Variants in TMEM132C observed in about 807,000 individuals in gnomAD.
TMEM132C encodes protein phosphatase 1, regulatory subunit 152.
A neutral mutation model predicts 61.4 loss-of-function variants in TMEM132C; 29 were observed. That is an observed-to-expected ratio of 0.47 (90% CI 0.35 to 0.64). TMEM132C has a LOEUF of 0.64. Among genes scored for constraint, TMEM132C ranks in the 30% least tolerant of loss-of-function variants. TMEM132C has a pLI of 0.00. For synonymous variants in TMEM132C, 656 were observed against 633.1 expected (o/e 1.04, Z -0.54); for missense variants, 1,408 against 1,476.9 (o/e 0.95, Z 0.76).
At chr12:128,520,239 A>ACC in intron 2 of TMEM132C, among the ~76,000 whole-genome samples, 1 of 152,196 alleles carries the variant, frequency 6.6e-6, no homozygotes, top group East Asian at 1.9e-4. Context: ...TCCACGTATC[A>ACC]CCCCTGCATG....
intron 2 of TMEM132C, among the ~76,000 whole-genome samples, chr12:128,501,018 G>C (rs1872157982): frequency 6.6e-6 from 1 of 152,138 alleles, no homozygotes; most frequent in Admixed American, 6.5e-5. Context: ...AAATAATAAA[G>C]CATTGATTCC....
In TMEM132C at chr12:128,616,173, G is replaced by A. The variant is rs1593121435; in HGVS notation, c.1143G>A (p.Glu381=). 6.4e-7 allele frequency: 1 copy of A among 1,551,718 alleles called. No homozygotes were observed. The highest frequency in any genetic ancestry group is 8.7e-7 in the Non-Finnish European group (1 of 1,146,978). The stretch of plus-strand genomic sequence containing the variant: ...CCAGGAGCAGCAGTTTATTCAATGA[G>A]GTTGTGCAGATGAACTTTGAAATAG... ...PRNRSSSLFN[E]VVQMNFEIAS... The change falls in exon 4 of 9, where the codon GAG becomes GAA. Residue 381 remains glutamate, a synonymous_variant. Coordinates refer to ENST00000435159, the MANE Select transcript of TMEM132C (RefSeq NM_001136103.3).
intron 3 of TMEM132C, among the ~76,000 whole-genome samples, chr12:128,599,098 T>C (rs1297654694): frequency 6.6e-6 from 1 of 152,112 alleles, no homozygotes; most frequent in Non-Finnish European, 1.5e-5. Context: ...AGGCAGTGGC[T>C]CCCGTTCCTC....
intron 4 of TMEM132C, among the ~76,000 whole-genome samples, chr12:128,662,800 G>A (rs1205160245): frequency 6.6e-6 from 1 of 152,046 alleles, no homozygotes; most frequent in East Asian, 1.9e-4. Flanking sequence ...CACATGGATT[G>A]AGAGAGGTTG....
intron 1 of TMEM132C, among the ~76,000 whole-genome samples, chr12:128,410,508 T>C (rs894668758): frequency 9.9e-5 from 15 of 152,084 alleles, no homozygotes; most frequent in African/African-American, 3.6e-4. Context: ...GTTCAAGTGA[T>C]TCTCCTGCCT....
chr12:128,537,290 GTA>G (rs1261771740), intron 2 of TMEM132C, among the ~76,000 whole-genome samples: 1 of 152,228 alleles, frequency 6.6e-6, no homozygotes, highest in Non-Finnish European at 1.5e-5. Context: ...GGGCAAGGCA[GTA>G]TCAGGCAGTC....
intron 1 of TMEM132C, among the ~76,000 whole-genome samples, chr12:128,401,699 C>A (rs1022641156): frequency 6.6e-6 from 1 of 152,160 alleles, no homozygotes; most frequent in Non-Finnish European, 1.5e-5. Context: ...TGTTTAAGAT[C>A]GGCTCTTTGC....
intron 2 of TMEM132C, among the ~76,000 whole-genome samples, chr12:128,527,627 C>A (rs897235773): frequency 1.3e-5 from 2 of 151,970 alleles, no homozygotes; most frequent in African/African-American, 2.4e-5. Context: ...TAACTCTTGA[C>A]CAAAGAGAAG....
intron 1 of TMEM132C, among the ~76,000 whole-genome samples, chr12:128,363,156 C>T (rs564078732): frequency 9.2e-5 from 14 of 152,280 alleles, no homozygotes; most frequent in Admixed American, 2.0e-4. Flanking sequence ...GCCATTTTTT[C>T]ACTGGAAGTA....
At chr12:128,382,377 AGATAGCGCTGACT>A (rs1349236091) in intron 1 of TMEM132C, among the ~76,000 whole-genome samples, 1 of 152,234 alleles carries the variant, frequency 6.6e-6, no homozygotes, top group African/African-American at 2.4e-5. Flanking sequence ...TCAAAGATCG[AGATAGCGCTGACT>A]GATAGAACTT....
chr12:128,310,788 G>A (rs535090517), intron 1 of TMEM132C, among the ~76,000 whole-genome samples: 1 of 152,300 alleles, frequency 6.6e-6, no homozygotes, highest in South Asian at 2.1e-4. Flanking sequence ...CATATGGTGG[G>A]ATAGAGAAAA....
At chr12:128,270,454 A>G (rs1165874185) in intron 1 of TMEM132C, among the ~76,000 whole-genome samples, 1 of 152,208 alleles carries the variant, frequency 6.6e-6, no homozygotes, top group Non-Finnish European at 1.5e-5. Flanking sequence ...AAATAGCTTG[A>G]CTTCAGATCA....
chr12:128,555,551 G>A (rs1335484171), intron 3 of TMEM132C, among the ~76,000 whole-genome samples: 1 of 152,144 alleles, frequency 6.6e-6, no homozygotes, highest in Non-Finnish European at 1.5e-5. Flanking sequence ...TCTGCAGCAG[G>A]ATAATTTATT....
intron 2 of TMEM132C, among the ~76,000 whole-genome samples, chr12:128,536,228 C>T (rs1873520301): frequency 6.6e-6 from 1 of 152,192 alleles, no homozygotes; most frequent in Non-Finnish European, 1.5e-5. Flanking sequence ...AGGATGAGTT[C>T]ATGTCCTTTG....
chr12:128,465,367 T>G (rs1307514321), intron 2 of TMEM132C, among the ~76,000 whole-genome samples: 2 of 151,720 alleles, frequency 1.3e-5, no homozygotes, highest in Non-Finnish European at 1.5e-5. Context: ...CCCAGCTAAT[T>G]TTTTGTATTT....
chr12:128,623,415 A>T (rs920892617), intron 4 of TMEM132C, among the ~76,000 whole-genome samples: 1 of 149,860 alleles, frequency 6.7e-6, no homozygotes, highest in Non-Finnish European at 1.5e-5. Context: ...AGTATAAAGT[A>T]TAATTTTATA....
chr12:128,318,437 C>G (rs147529068), intron 1 of TMEM132C, among the ~76,000 whole-genome samples: 1 of 152,186 alleles, frequency 6.6e-6, no homozygotes, highest in South Asian at 2.1e-4. Flanking sequence ...GAAACACACA[C>G]TCCCCTAGAG....
intron 1 of TMEM132C, among the ~76,000 whole-genome samples, chr12:128,361,522 A>G (rs1054119037): frequency 6.6e-6 from 1 of 152,164 alleles, no homozygotes; most frequent in Admixed American, 6.5e-5. Context: ...AAATGTCTCC[A>G]TTGGTGGTCT....
chr12:128,687,201 C>CAAAAA (rs55934804), intron 5 of TMEM132C, among the ~76,000 whole-genome samples: 4,542 of 114,176 alleles, frequency 0.04, 204 homozygotes, highest in African/African-American at 0.071. Context: ...GACTCTGTCT[C>CAAAAA]AAAAAAAAAA....
Sources: allele counts gnomAD v4.1 joint callset (sites outside exome capture counted in the v4.1 genomes callset), GRCh38; gene constraint gnomAD v4.1.1; transcripts MANE v1.5; gene names NCBI Gene and HGNC (gene_info 2026-07-23, HGNC 2026-07-21).